Variants in GPC6 observed in about 807,000 individuals in gnomAD.
GPC6 encodes glypican 6.
A neutral mutation model predicts 55.2 loss-of-function variants in GPC6; 14 were observed. That is an observed-to-expected ratio of 0.25 (90% CI 0.17 to 0.40). The LOEUF is 0.40. GPC6 is among the 10% of genes least tolerant of loss of function. The pLI, the probability that GPC6 is intolerant of heterozygous loss-of-function variation, is 1.00. For missense variants in GPC6, 641 were observed against 708.5 expected (o/e 0.90, Z 1.08); for synonymous variants, 278 against 259.6 (o/e 1.07, Z -0.68).
chr13:93,284,584 C>T (rs1013107998), intron 1 of GPC6, among the ~76,000 whole-genome samples: 1 of 152,108 alleles, frequency 6.6e-6, no homozygotes, highest in Non-Finnish European at 1.5e-5. Flanking sequence ...TTTTGTGAAG[C>T]TGTTTATATA....
intron 2 of GPC6, among the ~76,000 whole-genome samples, chr13:93,709,682 A>G (rs1212475783): frequency 6.6e-6 from 1 of 151,754 alleles, no homozygotes; most frequent in Non-Finnish European, 1.5e-5. Flanking sequence ...GTGTTTCATC[A>G]TTATTGGAAA....
At chr13:93,917,410 A>G (rs1353175197) in intron 3 of GPC6, among the ~76,000 whole-genome samples, 1 of 152,158 alleles carries the variant, frequency 6.6e-6, no homozygotes, top group Non-Finnish European at 1.5e-5. Flanking sequence ...ACACAAAAAA[A>G]CATTGTATGG....
At chr13:94,140,105 A>G (rs1398410164) in intron 4 of GPC6, among the ~76,000 whole-genome samples, 2 of 152,022 alleles carry the variant, frequency 1.3e-5, no homozygotes, top group African/African-American at 2.4e-5. Flanking sequence ...TTGAATGTTA[A>G]GAGTCTATTA....
At chr13:93,433,870 G>A (rs1877465083) in intron 1 of GPC6, among the ~76,000 whole-genome samples, 1 of 152,078 alleles carries the variant, frequency 6.6e-6, no homozygotes, top group Non-Finnish European at 1.5e-5. Context: ...CTGACGTGAG[G>A]GCAAGGATGC....
intron 6 of GPC6, among the ~76,000 whole-genome samples, chr13:94,357,639 A>G (rs935895887): frequency 6.6e-6 from 1 of 152,156 alleles, no homozygotes; most frequent in Non-Finnish European, 1.5e-5. Flanking sequence ...TACCACCACC[A>G]TGTGTCTATT....
chr13:93,363,009 T>A (rs541304247), intron 1 of GPC6, among the ~76,000 whole-genome samples: 1 of 152,234 alleles, frequency 6.6e-6, no homozygotes, highest in South Asian at 2.1e-4. Context: ...GATGAACGAC[T>A]ATTTTTTAAA....
chr13:94,061,760 G>A (rs368174206), intron 4 of GPC6, among the ~76,000 whole-genome samples: 16 of 151,330 alleles, frequency 1.1e-4, no homozygotes, highest in African/African-American at 3.9e-4. Flanking sequence ...TATTGTTGAT[G>A]TATGACATCC....
chr13:93,558,151 T>C lies in GPC6; in HGVS notation c.319+12730T>C, dbSNP rs187293820. ...TAAACTCTCTGGGAAAAAAATTTAG[T>C]TTTTCATTTGTAAAATAAGTATAAT... On this transcript the variant is annotated intron_variant, in intron 2 of 8. Coordinates refer to ENST00000377047, the MANE Select transcript of GPC6 (RefSeq NM_005708.5). 4.0e-4 allele frequency among the ~76,000 whole-genome samples: 61 copies of C among 152,296 alleles called. No individual in the cohort carries two copies. The East Asian group carries it at 7.9e-3, about 20-fold the overall frequency.
Position 94,398,489 on chromosome 13 carries a change from A to G in GPC6, c.1313A>G (p.Asp438Gly), listed in dbSNP as rs777976833. The G allele has an allele frequency of 1.9e-6, 3 of 1,613,586 alleles. No individual in the cohort carries two copies. Among genetic ancestry groups the G allele is most frequent in the Non-Finnish European group, 2.5e-6 (3 of 1,179,536 alleles). ...KARYLPEIMNDGLTNQINNPE... is the reference protein window; with the variant it reads ...KARYLPEIMNGGLTNQINNPE... ...AGATACTTGCCTGAGATCATGAATGATGGGCTCACCAACCAGATCAACAAT... is the reference window on the plus strand; with the variant it reads ...AGATACTTGCCTGAGATCATGAATGGTGGGCTCACCAACCAGATCAACAAT... Residue 438 changes from aspartate to glycine, a missense_variant, in exon 8 of 9, where the codon GAT (aspartate) becomes GGT (glycine). Transcript: ENST00000377047.
chr13:93,270,085 G>A (rs901046565), intron 1 of GPC6, among the ~76,000 whole-genome samples: 13 of 151,306 alleles, frequency 8.6e-5, no homozygotes, highest in South Asian at 4.2e-4. Flanking sequence ...TAAGACTATG[G>A]CTCTCAAAAA....
chr13:93,534,655 A>T (rs917471895), intron 1 of GPC6, among the ~76,000 whole-genome samples: 11 of 152,212 alleles, frequency 7.2e-5, no homozygotes, highest in African/African-American at 2.4e-4. Flanking sequence ...GTGAAAATGA[A>T]CATCTGGGCA....
chr13:93,483,533 TA>T (rs1330361757), intron 1 of GPC6, among the ~76,000 whole-genome samples: 1 of 152,158 alleles, frequency 6.6e-6, no homozygotes, highest in Non-Finnish European at 1.5e-5. Context: ...AAGATACTTT[TA>T]ATAATAAACT....
intron 1 of GPC6, among the ~76,000 whole-genome samples, chr13:93,424,191 A>G (rs944659056): frequency 9.9e-5 from 15 of 152,108 alleles, no homozygotes; most frequent in African/African-American, 1.7e-4. Context: ...GAGCTTTGCT[A>G]TAGTTGCCAC....
intron 4 of GPC6, among the ~76,000 whole-genome samples, chr13:94,251,760 A>G (rs1891357283): frequency 6.6e-6 from 1 of 151,458 alleles, no homozygotes; most frequent in African/African-American, 2.4e-5. Context: ...ATTTGGATGA[A>G]GGGAAAAATC....
chr13:93,469,181 C>T (rs56259880), intron 1 of GPC6, among the ~76,000 whole-genome samples: 9,407 of 151,952 alleles, frequency 0.062, 426 homozygotes, highest in Non-Finnish European at 0.1. Flanking sequence ...ATTTTGAAAT[C>T]CCACTTCAAA....
chr13:93,951,798 T>A (rs1412741604), intron 3 of GPC6, among the ~76,000 whole-genome samples: 4 of 152,158 alleles, frequency 2.6e-5, no homozygotes, highest in Non-Finnish European at 4.4e-5. Context: ...GAATTTTTTT[T>A]ATAAGAGAAC....
chr13:94,212,727 T>G (rs1316572091), intron 4 of GPC6, among the ~76,000 whole-genome samples: 2 of 152,212 alleles, frequency 1.3e-5, no homozygotes, highest in African/African-American at 4.8e-5. Context: ...CTAACACACT[T>G]TGAGGAAACA....
At chr13:93,536,091 C>T (rs553637888) in intron 1 of GPC6, among the ~76,000 whole-genome samples, 34 of 152,176 alleles carry the variant, frequency 2.2e-4, no homozygotes, top group African/African-American at 6.7e-4. Context: ...TGTGGGAACA[C>T]GGGACTAGCA....
intron 1 of GPC6, among the ~76,000 whole-genome samples, chr13:93,389,341 C>CAA (rs374435407): frequency 2.5e-4 from 37 of 147,100 alleles, no homozygotes; most frequent in African/African-American, 4.5e-4. Flanking sequence ...ACTAAAAATA[C>CAA]AAAAAAAAAA....
Sources: gnomAD v4.1 joint callset for allele counts (sites outside exome capture counted in the v4.1 genomes callset) on GRCh38, gnomAD v4.1.1 for gene constraint, MANE v1.5 for transcripts, NCBI Gene and HGNC (gene_info 2026-07-23, HGNC 2026-07-21) for gene names.